Variants in EYA4 observed in about 807,000 individuals in gnomAD.
The protein encoded by EYA4 is EYA transcriptional coactivator and phosphatase 4, also known as protein phosphatase EYA4.
A neutral mutation model predicts 87.9 loss-of-function variants in EYA4; 31 were observed. The ratio of observed to expected loss-of-function variants is 0.35; its 90% CI spans 0.27 to 0.48. The LOEUF is 0.48. EYA4 is among the 20% of genes least tolerant of loss of function. The pLI is 0.99. For missense variants in EYA4, 678 were observed against 761.4 expected, an observed-to-expected ratio of 0.89 and a Z score of 1.29; for synonymous variants, 263 against 270.6, an observed-to-expected ratio of 0.97 and a Z score of 0.28.
rs754934603 is a variant in EYA4, at chr6:133,322,913, A to C, written c.33+48100A>C. Reference sequence around the variant, plus strand: ...ACTTACATGTGTACCACACCTGCCTACATGTTTTGTCACTGGTGAGATGTG... The same window carrying C: ...ACTTACATGTGTACCACACCTGCCTCCATGTTTTGTCACTGGTGAGATGTG... On this transcript the variant is annotated intron_variant, in intron 2 of 19. Coordinates refer to ENST00000355286, the MANE Select transcript of EYA4 (RefSeq NM_004100.5). Among the ~76,000 whole-genome samples the C allele has an allele frequency of 3.9e-5, 6 of 152,164 alleles. No homozygotes were observed. The East Asian group carries it at 1.2e-3, about 29-fold the overall frequency.
At chr6:133,495,803 G>A (rs947047324) in intron 13 of EYA4, among the ~76,000 whole-genome samples, 5 of 152,170 alleles carry the variant, frequency 3.3e-5, no homozygotes, top group African/African-American at 1.2e-4. Flanking sequence ...GAGGTTTGAG[G>A]TGGGACCATA....
chr6:133,530,860 A>ATCT lies in EYA4; in HGVS notation c.*2057_*2059dup, dbSNP rs1800968651. On this transcript the variant is annotated 3_prime_UTR_variant, in exon 20 of 20. Transcript: ENST00000355286. Reference sequence around the variant, plus strand: ...AATAATATAAAAATAATGATAGTAAATCTTATACTTCTGTTGGCCCTTAGC... The same window carrying ATCT: ...AATAATATAAAAATAATGATAGTAAATCTTCTTATACTTCTGTTGGCCCTTAGC... 6 of 1,019,594 alleles carry ATCT rather than the reference A, an allele frequency of 5.9e-6. No homozygotes were observed. The South Asian group carries it at 2.7e-4, about 45-fold the overall frequency. 63.2% of individuals were successfully genotyped at this position (1,019,594 alleles called of 1,614,324 possible).
In EYA4 at chr6:133,513,006, A is replaced by G; in HGVS notation, c.1469A>G (p.Glu490Gly). ...GCTTTTCGTTACAGAAGAGTAAAAG[A>G]ATTATATAACACCTACAAGAACAAC... ...KLAFRYRRVK[E>G]LYNTYKNNVG... The change falls in exon 16 of 20, where the codon GAA (glutamate) becomes GGA (glycine). Residue 490 changes from glutamate to glycine, a missense_variant. Coordinates refer to ENST00000355286, the MANE Select transcript of EYA4 (RefSeq NM_004100.5). The G allele has an allele frequency of 6.2e-7, 1 of 1,614,136 alleles. No homozygotes were observed. The highest frequency in any genetic ancestry group is 1.7e-5 in the Admixed American group (1 of 60,020).
chr6:133,358,999 A>G (rs1408641651), intron 2 of EYA4, among the ~76,000 whole-genome samples: 2 of 152,208 alleles, frequency 1.3e-5, no homozygotes, highest in Non-Finnish European at 2.9e-5. Context: ...CAGGTACTGG[A>G]AACGAGGAAA....
At chr6:133,270,341 G>A (rs889101509) in intron 1 of EYA4, among the ~76,000 whole-genome samples, 10 of 152,106 alleles carry the variant, frequency 6.6e-5, no homozygotes, top group Admixed American at 6.5e-4. Flanking sequence ...AACCGGAAAT[G>A]CACCAATCCC....
intron 1 of EYA4, among the ~76,000 whole-genome samples, chr6:133,270,226 G>T (rs965828172): frequency 5.9e-5 from 9 of 152,076 alleles, no homozygotes; most frequent in Non-Finnish European, 8.8e-5. Context: ...TCCACCCCTT[G>T]TCAACTTGAA....
chr6:133,378,024 A>T (rs1384283760), intron 2 of EYA4, among the ~76,000 whole-genome samples: 2 of 152,076 alleles, frequency 1.3e-5, no homozygotes, highest in Non-Finnish European at 2.9e-5. Flanking sequence ...GAAGTGATGG[A>T]TATGTTCACA....
intron 10 of EYA4, among the ~76,000 whole-genome samples, chr6:133,467,901 G>A (rs1794987897): frequency 6.6e-6 from 1 of 151,944 alleles, no homozygotes; most frequent in Admixed American, 6.6e-5. Flanking sequence ...CAGGTCAGGG[G>A]TGTTGATTCA....
intron 1 of EYA4, among the ~76,000 whole-genome samples, chr6:133,259,788 A>G (rs982266889): frequency 2.0e-5 from 3 of 152,172 alleles, no homozygotes; most frequent in Admixed American, 2.0e-4. Context: ...CCCCATAATA[A>G]AGAATATGAC....
chr6:133,356,053 G>T (rs985242186), intron 2 of EYA4, among the ~76,000 whole-genome samples: 2 of 102,932 alleles, frequency 1.9e-5, no homozygotes, highest in Admixed American at 1.8e-4. Context: ...GAGAGAAAGA[G>T]AGAAAGAGAG....
chr6:133,273,061 CT>C (rs1298638683), intron 1 of EYA4, among the ~76,000 whole-genome samples: 2 of 136,214 alleles, frequency 1.5e-5, no homozygotes, highest in Admixed American at 1.6e-4. Flanking sequence ...TATTAGGGTT[CT>C]CTATAGGGAC....
chr6:133,352,629 A>C (rs147527421), intron 2 of EYA4, among the ~76,000 whole-genome samples: 22 of 152,296 alleles, frequency 1.4e-4, no homozygotes, highest in Non-Finnish European at 2.6e-4. Context: ...TTTATTTGAC[A>C]CTATTTCATC....
At chr6:133,464,367 C>A (rs1267224354) in intron 9 of EYA4, among the ~76,000 whole-genome samples, 4 of 152,130 alleles carry the variant, frequency 2.6e-5, no homozygotes, top group African/African-American at 9.7e-5. Context: ...ATTTCCCACG[C>A]TAAAAACCCT....
intron 2 of EYA4, among the ~76,000 whole-genome samples, chr6:133,286,369 C>T (rs911216493): frequency 2.6e-5 from 4 of 152,100 alleles, no homozygotes; most frequent in Non-Finnish European, 5.9e-5. Context: ...TGGGAGGCTT[C>T]AAGATATCAA....
chr6:133,407,884 AG>A (rs1334627465), intron 3 of EYA4, among the ~76,000 whole-genome samples: 11 of 152,218 alleles, frequency 7.2e-5, no homozygotes, highest in African/African-American at 2.2e-4. Context: ...GTAGAGTGCC[AG>A]AGAATCAAAA....
At chr6:133,503,728 A>C (rs1055539646) in intron 13 of EYA4, among the ~76,000 whole-genome samples, 7 of 152,156 alleles carry the variant, frequency 4.6e-5, no homozygotes, top group Admixed American at 3.9e-4. Context: ...AAAGACAGAG[A>C]CTAATTATAG....
chr6:133,478,416 A>G (rs1002388080), intron 11 of EYA4, among the ~76,000 whole-genome samples: 8 of 151,170 alleles, frequency 5.3e-5, no homozygotes, highest in African/African-American at 4.8e-5. Context: ...ATGTCCATCA[A>G]CAGAATGGAT....
At chr6:133,423,862 C>T (rs542135333) in intron 3 of EYA4, among the ~76,000 whole-genome samples, 93 of 152,300 alleles carry the variant, frequency 6.1e-4, no homozygotes, top group African/African-American at 2.0e-3. Flanking sequence ...CCTCTGTGAC[C>T]GTGGCGCCTT....
At chr6:133,384,327 A>G (rs1338612119) in intron 3 of EYA4, among the ~76,000 whole-genome samples, 1 of 152,184 alleles carries the variant, frequency 6.6e-6, no homozygotes, top group Non-Finnish European at 1.5e-5. Flanking sequence ...AGTTTTTTTG[A>G]AGACTGCTTA....
Sources: gnomAD v4.1 joint callset for allele counts (sites outside exome capture counted in the v4.1 genomes callset) on GRCh38, gnomAD v4.1.1 for gene constraint, MANE v1.5 for transcripts, NCBI Gene and HGNC (gene_info 2026-07-23, HGNC 2026-07-21) for gene names.